The following PRR5 variants were observed in gnomAD, a reference collection of about 807,000 sequenced individuals.
PRR5 encodes the protein proline rich 5, also known as proline-rich protein 5.
In PRR5, 25 loss-of-function variants were observed where a neutral mutation model predicts 30.6. That is an observed-to-expected ratio of 0.82 (90% CI 0.60 to 1.14). The LOEUF (loss-of-function observed/expected upper bound fraction) is 1.14, where lower values mean the gene tolerates loss of function less well. Among genes scored for constraint, PRR5 ranks in the 50% most tolerant of loss-of-function variants. The pLI, the probability that PRR5 is intolerant of heterozygous loss-of-function variation, is 0.00. For synonymous variants in PRR5, 286 were observed against 247.1 expected, an observed-to-expected ratio of 1.16 and a Z score of -1.48; for missense variants, 600 against 547.1, an observed-to-expected ratio of 1.10 and a Z score of -0.96.
At chr22:44,735,994 G>A (rs1157289355) in intron 7 of PRR5, among the ~76,000 whole-genome samples, 1 of 152,160 alleles carries the variant, frequency 6.6e-6, no homozygotes, top group African/African-American at 2.4e-5. Flanking sequence ...TCTGGGAAAG[G>A]CCCCTGAGCC....
At chr22:44,706,860 C>T (rs73891746) in intron 1 of PRR5, among the ~76,000 whole-genome samples, 13,544 of 96,516 alleles carry the variant, frequency 0.14, 949 homozygotes, top group African/African-American at 0.26. Context: ...TATGGATGCC[C>T]GGCTGGCCTG....
Position 44,696,571 on chromosome 22 carries a change from C to T in PRR5, c.-10-5921C>T, listed in dbSNP as rs1391532828. On this transcript the variant is annotated intron_variant, in intron 1 of 8. Transcript: ENST00000006251. ...TGAAATCCAGAACAAAAGGAGGGCA[C>T]GTGTCTTGGGTGCACAGAACCAGAC... Among the ~76,000 whole-genome samples, 4 of 152,070 alleles carry T rather than the reference C, an allele frequency of 2.6e-5. No homozygotes were observed. In the East Asian group the frequency reaches 5.8e-4, roughly 22 times the overall value.
intron 1 of PRR5, among the ~76,000 whole-genome samples, chr22:44,687,693 A>G (rs915323289): frequency 2.0e-5 from 3 of 152,126 alleles, no homozygotes; most frequent in Non-Finnish European, 2.9e-5. Context: ...CCTGGCTGCT[A>G]TCACAGTTTA....
chr22:44,736,903 G>T lies in PRR5; in HGVS notation c.823G>T (p.Gly275Cys). The T allele has an allele frequency of 6.2e-7, 1 of 1,608,600 alleles. No individual in the cohort carries two copies. Residue 275 changes from glycine to cysteine, a missense_variant, in exon 8 of 8, where the codon GGT becomes TGT. Transcript: ENST00000336985. Reference protein sequence around the residue: ...EHEAEGAAAGGTSIRRHSVSE... With the variant: ...EHEAEGAAAGCTSIRRHSVSE... The stretch of plus-strand genomic sequence containing the variant: ...CGAGGCGGAGGGCGCGGCGGCCGGC[G>T]GTACCAGCATCCGCAGGCACTCTGT...
chr22:44,697,822 G>A (rs949393073), upstream of PRR5, among the ~76,000 whole-genome samples: 4 of 152,214 alleles, frequency 2.6e-5, no homozygotes, highest in African/African-American at 9.6e-5. Flanking sequence ...TGTAAAATGG[G>A]ACTGGTCTCC....
intron 2 of PRR5, among the ~76,000 whole-genome samples, chr22:44,714,995 C>T (rs899374918): frequency 4.6e-5 from 7 of 152,226 alleles, no homozygotes; most frequent in Non-Finnish European, 8.8e-5. Context: ...TGACGGCCCC[C>T]ACTGGTGCTG....
chr22:44,720,168 C>T (rs5765932), intron 2 of PRR5, among the ~76,000 whole-genome samples: 35,587 of 152,234 alleles, frequency 0.23, 4,756 homozygotes, highest in South Asian at 0.4. Context: ...TCAGGGAGCC[C>T]GTGCTCAGCT....
intron 2 of PRR5, among the ~76,000 whole-genome samples, chr22:44,718,179 C>T (rs754954429): frequency 2.1e-5 from 3 of 142,660 alleles, no homozygotes; most frequent in Non-Finnish European, 3.0e-5. Flanking sequence ...TGTGGATGCA[C>T]GTTTTCATCT....
chr22:44,676,227 T>C (rs1601943625), upstream of PRR5, among the ~76,000 whole-genome samples: 1 of 148,864 alleles, frequency 6.7e-6, no homozygotes, highest in African/African-American at 2.5e-5. Context: ...CTATTAAAAG[T>C]ACAAAAAAAA....
intron 4 of PRR5, chr22:44,729,276 G>A (rs1474342070): frequency 1.1e-6 from 1 of 929,170 alleles, no homozygotes; most frequent in East Asian, 1.2e-4. Flanking sequence ...CTGTTCCTGA[G>A]TCTCCCGACG....
At position 44,732,391 on chromosome 22, in the gene PRR5, G is replaced by A; in HGVS notation, c.555G>A (p.Gln185=). 1 of 1,607,094 alleles carries A rather than the reference G, an allele frequency of 6.2e-7. No individual in the cohort carries two copies. The highest frequency in any genetic ancestry group is 8.5e-7 in the Non-Finnish European group (1 of 1,177,966). ...PAIVQMLLVL[Q]GVHESRGVTE... is the part of the protein sequence containing the mutation. Reference sequence around the variant, plus strand: ...TCGTGCAGATGCTGCTGGTGCTGCAGGTGGGCACAGTGGGCAGAGGGTCGG... The same window carrying A: ...TCGTGCAGATGCTGCTGGTGCTGCAAGTGGGCACAGTGGGCAGAGGGTCGG... Residue 185 remains glutamine (Q), a splice_region_variant and synonymous_variant, in exon 6 of 8, where the codon CAG becomes CAA. Coordinates refer to ENST00000336985, the MANE Select transcript of PRR5 (RefSeq NM_181333.4).
intron 2 of PRR5, among the ~76,000 whole-genome samples, chr22:44,718,839 G>A (rs1273261885): frequency 6.6e-6 from 1 of 152,060 alleles, no homozygotes; most frequent in Admixed American, 6.5e-5. Context: ...TTTTTCAGTT[G>A]GGTTATTTGT....
At chr22:44,719,441 C>G (rs1351922065) in intron 2 of PRR5, among the ~76,000 whole-genome samples, 1 of 152,210 alleles carries the variant, frequency 6.6e-6, no homozygotes, top group Non-Finnish European at 1.5e-5. Flanking sequence ...TTTAAGGACC[C>G]AAACCTCTTT....
intron 4 of PRR5, chr22:44,730,099 G>T (rs1417850041): frequency 1.2e-5 from 12 of 985,300 alleles, no homozygotes; most frequent in Non-Finnish European, 7.2e-6. Flanking sequence ...CAGCCCCCAG[G>T]GCTGCCCCTG....
chr22:44,716,863 C>G (rs1264958776), intron 2 of PRR5, among the ~76,000 whole-genome samples: 1 of 152,122 alleles, frequency 6.6e-6, no homozygotes, highest in Non-Finnish European at 1.5e-5. Context: ...GAGTTCAAAA[C>G]CAGCCTGGGC....
intron 6 of PRR5, chr22:44,734,780 T>G: frequency 1.7e-6 from 1 of 578,102 alleles, no homozygotes. Context: ...CACAGGGCCT[T>G]TTTCCAGGGC....
At chr22:44,727,673 C>G (rs73416602) in intron 4 of PRR5, among the ~76,000 whole-genome samples, 3 of 152,192 alleles carry the variant, frequency 2.0e-5, no homozygotes, top group Non-Finnish European at 4.4e-5. Flanking sequence ...GCCCCAGGCT[C>G]CTCCTCCAGG....
At chr22:44,676,611 C>T (rs1042486927), upstream of PRR5, among the ~76,000 whole-genome samples, 1 of 149,380 alleles carries the variant, frequency 6.7e-6, no homozygotes, top group Non-Finnish European at 1.5e-5. Context: ...GTGTTCTAGG[C>T]GGGGTGAAGA....
At chr22:44,688,371 G>A (rs867339574) in intron 1 of PRR5, among the ~76,000 whole-genome samples, 2 of 152,034 alleles carry the variant, frequency 1.3e-5, no homozygotes, top group African/African-American at 4.8e-5. Context: ...GCTACAGAGC[G>A]AGACTTCGTC....
Sources: allele counts gnomAD v4.1 joint callset (sites outside exome capture counted in the v4.1 genomes callset), GRCh38; gene constraint gnomAD v4.1.1; transcripts MANE v1.5; gene names NCBI Gene and HGNC (gene_info 2026-07-23, HGNC 2026-07-21).